Variants in CDH4 observed in about 807,000 individuals in gnomAD.
The protein encoded by CDH4 is cadherin 4, also known as cadherin-4.
CDH4 carries 33 observed loss-of-function variants against 86.0 expected under a neutral mutation model. The ratio of observed to expected loss-of-function variants is 0.38; its 90% CI spans 0.29 to 0.51. The LOEUF (loss-of-function observed/expected upper bound fraction) is 0.51, where lower values mean the gene tolerates loss of function less well. Among genes scored for constraint, CDH4 ranks in the 20% least tolerant of loss-of-function variants. The pLI is 0.86. For synonymous variants in CDH4, 555 were observed against 549.4 expected (o/e 1.01, Z -0.14); for missense variants, 1,114 against 1,307.4 (o/e 0.85, Z 2.28).
chr20:61,724,977 T>G (rs1348193150), intron 2 of CDH4, among the ~76,000 whole-genome samples: 2 of 152,054 alleles, frequency 1.3e-5, no homozygotes, highest in East Asian at 3.9e-4. Flanking sequence ...CAGGGCATGG[T>G]GGCAGGTATC....
At chr20:61,570,505 AG>A in intron 2 of CDH4, 1 of 597,674 alleles carries the variant, frequency 1.7e-6, no homozygotes, top group South Asian at 2.0e-5. Flanking sequence ...CCTGCTCTCA[AG>A]GATGGGAATG....
chr20:61,290,458 G>T (rs2084314810), intron 2 of CDH4, among the ~76,000 whole-genome samples: 1 of 148,730 alleles, frequency 6.7e-6, no homozygotes, highest in African/African-American at 2.5e-5. Context: ...AGACTTGCTG[G>T]ATTTATCCCC....
chr20:61,890,677 A>C (rs1156657325), intron 7 of CDH4, among the ~76,000 whole-genome samples: 1 of 152,198 alleles, frequency 6.6e-6, no homozygotes, highest in African/African-American at 2.4e-5. Context: ...GGGTTAACCT[A>C]CTGTGAGAAA....
chr20:61,787,789 A>ATC (rs1978961729), intron 4 of CDH4, among the ~76,000 whole-genome samples: 1 of 152,236 alleles, frequency 6.6e-6, no homozygotes, highest in South Asian at 2.1e-4. Flanking sequence ...GGCAGAGAGA[A>ATC]TCATGGGGAT....
At chr20:61,494,060 C>T (rs533109230) in intron 2 of CDH4, among the ~76,000 whole-genome samples, 7 of 152,188 alleles carry the variant, frequency 4.6e-5, no homozygotes, top group African/African-American at 1.7e-4. Flanking sequence ...AGAAAATGGC[C>T]GTCTGACTGC....
chr20:61,841,645 G>A (rs1406723500), intron 4 of CDH4, among the ~76,000 whole-genome samples: 1 of 152,130 alleles, frequency 6.6e-6, no homozygotes, highest in Non-Finnish European at 1.5e-5. Context: ...GCGGCTCAGG[G>A]CAGAGCTGGG....
intron 2 of CDH4, among the ~76,000 whole-genome samples, chr20:61,385,604 C>A (rs2084946768): frequency 6.6e-6 from 1 of 152,156 alleles, no homozygotes; most frequent in Non-Finnish European, 1.5e-5. Flanking sequence ...GCGTGACTAG[C>A]CTCCTCTGCA....
intron 2 of CDH4, among the ~76,000 whole-genome samples, chr20:61,580,104 C>T (rs750163999): frequency 5.3e-5 from 8 of 150,020 alleles, no homozygotes; most frequent in Non-Finnish European, 1.0e-4. Flanking sequence ...CCTGGACTTA[C>T]GGACTCTTAC....
chr20:61,744,234 G>A (rs1266977149), intron 3 of CDH4, among the ~76,000 whole-genome samples: 3 of 152,112 alleles, frequency 2.0e-5, no homozygotes, highest in East Asian at 3.9e-4. Flanking sequence ...GTGGGGAGGC[G>A]ATGGAGAGAA....
At chr20:61,324,735 T>C (rs1336095652) in intron 2 of CDH4, among the ~76,000 whole-genome samples, 2 of 152,080 alleles carry the variant, frequency 1.3e-5, no homozygotes, top group East Asian at 3.9e-4. Flanking sequence ...ACAATGAATA[T>C]GAAAGAGGAG....
intron 4 of CDH4, among the ~76,000 whole-genome samples, chr20:61,816,805 T>A (rs1174661299): frequency 6.6e-6 from 1 of 152,162 alleles, no homozygotes; most frequent in Non-Finnish European, 1.5e-5. Flanking sequence ...GGCCCAGGCC[T>A]GGGACACTCC....
At chr20:61,668,788 G>A (rs75925810) in intron 2 of CDH4, among the ~76,000 whole-genome samples, 13 of 152,286 alleles carry the variant, frequency 8.5e-5, no homozygotes, top group African/African-American at 2.4e-4. Flanking sequence ...TCCACTTACC[G>A]CTTCTTGCTT....
At chr20:61,351,498 T>C (rs34764986) in intron 2 of CDH4, among the ~76,000 whole-genome samples, 3,097 of 152,266 alleles carry the variant, frequency 0.02, 55 homozygotes, top group Non-Finnish European at 0.031. Context: ...ATAAATGACA[T>C]TTACTAGACA....
intron 2 of CDH4, among the ~76,000 whole-genome samples, chr20:61,305,691 G>A (rs190653927): frequency 1.8e-3 from 275 of 152,290 alleles, no homozygotes; most frequent in South Asian, 0.015. Flanking sequence ...CCAGCTCACC[G>A]CTCACGTGCA....
chr20:61,622,907 G>A (rs2086790734), intron 2 of CDH4, among the ~76,000 whole-genome samples: 1 of 152,134 alleles, frequency 6.6e-6, no homozygotes. Context: ...AGGTGGCTGC[G>A]GAGTTTAAGA....
chr20:61,460,996 C>T (rs922804756), intron 2 of CDH4, among the ~76,000 whole-genome samples: 21 of 152,158 alleles, frequency 1.4e-4, no homozygotes, highest in Admixed American at 7.9e-4. Flanking sequence ...TATCCTGCTC[C>T]CATCTAAGCC....
chr20:61,849,785 G>A (rs1320230707), intron 5 of CDH4, among the ~76,000 whole-genome samples: 2 of 152,322 alleles, frequency 1.3e-5, no homozygotes, highest in Non-Finnish European at 2.9e-5. Context: ...CCTCCAGCTG[G>A]AGAACGTTCA....
chr20:61,591,029 C>T (rs2086515850), intron 2 of CDH4, among the ~76,000 whole-genome samples: 1 of 152,186 alleles, frequency 6.6e-6, no homozygotes, highest in Non-Finnish European at 1.5e-5. Context: ...TTCCCCAGTA[C>T]AAGGGCTAGC....
intron 2 of CDH4, chr20:61,570,357 G>A (rs1186579993): frequency 1.6e-5 from 5 of 314,020 alleles, no homozygotes; most frequent in Non-Finnish European, 3.0e-5. Flanking sequence ...CACTTCCCAG[G>A]CCAGACAGGA....
Sources: allele counts gnomAD v4.1 joint callset (sites outside exome capture counted in the v4.1 genomes callset), GRCh38; gene constraint gnomAD v4.1.1; transcripts MANE v1.5; gene names NCBI Gene and HGNC (gene_info 2026-07-23, HGNC 2026-07-21).